The following GLI2 variants were observed in gnomAD, a reference collection of about 807,000 sequenced individuals.
GLI2 encodes the protein GLI family zinc finger 2, also known as transcription activator GLI2.
In GLI2, 22 loss-of-function variants were observed where a neutral mutation model predicts 78.9. The observed-to-expected ratio is 0.28, with a 90% confidence interval of 0.20 to 0.40. The LOEUF (loss-of-function observed/expected upper bound fraction) is 0.40, where lower values mean the gene tolerates loss of function less well. Among genes scored for constraint, GLI2 ranks in the 10% least tolerant of loss-of-function variants. The probability of loss-of-function intolerance (pLI) is 1.00; values close to 1 mark genes in which losing one functional copy is unlikely to be tolerated. For missense variants in GLI2, 2,097 were observed against 2,213.2 expected (o/e 0.95, Z 1.05); for synonymous variants, 974 against 963.7 (o/e 1.01, Z -0.20).
chr2:120,787,474 C>T (rs541961562), intron 1 of GLI2, among the ~76,000 whole-genome samples: 1 of 152,260 alleles, frequency 6.6e-6, no homozygotes, highest in African/African-American at 2.4e-5. Flanking sequence ...GGTCTGGGTG[C>T]CTGTGGCTCC....
chr2:120,929,004 A>G (rs1298110655), intron 3 of GLI2, among the ~76,000 whole-genome samples: 1 of 151,616 alleles, frequency 6.6e-6, no homozygotes, highest in African/African-American at 2.4e-5. Context: ...GGTTGCCGAG[A>G]CTCCTTCGTC....
At chr2:120,855,772 G>A (rs56352720) in intron 2 of GLI2, among the ~76,000 whole-genome samples, 35,985 of 151,992 alleles carry the variant, frequency 0.24, 4,976 homozygotes, top group East Asian at 0.64. Context: ...GACCACAGAG[G>A]TGATGTGATG....
chr2:120,908,621 C>T (rs944896057), intron 2 of GLI2, among the ~76,000 whole-genome samples: 2 of 152,138 alleles, frequency 1.3e-5, no homozygotes, highest in Non-Finnish European at 2.9e-5. Context: ...ACACCCCCTG[C>T]CCCCCAACAG....
At chr2:120,817,397 A>C (rs1338652575) in intron 2 of GLI2, among the ~76,000 whole-genome samples, 1 of 151,992 alleles carries the variant, frequency 6.6e-6, no homozygotes, top group East Asian at 1.9e-4. Flanking sequence ...CCCTTCCATC[A>C]CATGCCCATC....
At chr2:120,786,490 C>T (rs1402079373) in intron 1 of GLI2, among the ~76,000 whole-genome samples, 1 of 151,390 alleles carries the variant, frequency 6.6e-6, no homozygotes, top group Non-Finnish European at 1.5e-5. Flanking sequence ...CCTGCAATTC[C>T]ACTGAGAAAA....
chr2:120,978,064 G>GC (rs1041456105), intron 9 of GLI2, among the ~76,000 whole-genome samples: 1 of 152,194 alleles, frequency 6.6e-6, no homozygotes, highest in African/African-American at 2.4e-5. Context: ...TCACACCAGA[G>GC]CCCAGGCTGC....
At chr2:120,968,443 A>G (rs1319739170) in intron 5 of GLI2, among the ~76,000 whole-genome samples, 2 of 152,146 alleles carry the variant, frequency 1.3e-5, no homozygotes, top group Admixed American at 6.5e-5. Context: ...TGGTAAATAC[A>G]CTATGCTCAG....
At chr2:120,909,220 CAG>C (rs1161926951) in intron 2 of GLI2, among the ~76,000 whole-genome samples, 2 of 152,160 alleles carry the variant, frequency 1.3e-5, no homozygotes, top group Admixed American at 1.3e-4. Flanking sequence ...TTGGGTCCCA[CAG>C]AGAGATCACC....
At chr2:120,770,841 A>AC (rs2024259986) in intron 1 of GLI2, among the ~76,000 whole-genome samples, 1 of 152,028 alleles carries the variant, frequency 6.6e-6, no homozygotes, top group Non-Finnish European at 1.5e-5. Flanking sequence ...CTGACCACCT[A>AC]CCCTCCAGGC....
At chr2:120,740,000 G>T (rs1392943561) in intron 1 of GLI2, among the ~76,000 whole-genome samples, 3 of 152,096 alleles carry the variant, frequency 2.0e-5, no homozygotes, top group African/African-American at 7.2e-5. Context: ...AAAAAGAGTG[G>T]CACCTTCAAC....
Position 120,984,545 on chromosome 2 carries a change from A to T in GLI2, c.1707A>T (p.Lys569Asn), listed in dbSNP as rs1682874900. 1.2e-6 allele frequency: 2 copies of T among 1,614,186 alleles called. No individual in the cohort carries two copies. Among genetic ancestry groups the T allele is most frequent in the Non-Finnish European group, 1.7e-6 (2 of 1,180,018 alleles). ...CCAGCTCTCTCCGGAAGCATGTGAA[A>T]ACGGTCCACGGCCCAGATGCCCACG... ...TDPSSLRKHV[K>N]TVHGPDAHVT... The change falls in exon 12 of 14, where the codon AAA (lysine) becomes AAT (asparagine). Residue 569 changes from lysine (K) to asparagine (N), a missense_variant. By Grantham distance (94) the Lys-to-Asn change is moderately conservative. This residue lies in a region of GLI2 where 104 missense variants were observed against 190.6 expected (regional missense o/e 0.55). Transcript: ENST00000361492.
intron 2 of GLI2, among the ~76,000 whole-genome samples, chr2:120,840,803 T>TG (rs1396683716): frequency 6.6e-6 from 1 of 152,170 alleles, no homozygotes; most frequent in African/African-American, 2.4e-5. Context: ...CCTTTGCACG[T>TG]GGGGGTCTCG....
chr2:120,989,091 C>G lies in GLI2; in HGVS notation c.3126C>G (p.Asp1042Glu), dbSNP rs767644818. Residue 1042 changes from aspartate to glutamate, a missense_variant, in exon 14 of 14, where the codon GAC (aspartate) becomes GAG (glutamate). Transcript: ENST00000361492. Reference protein sequence around the residue: ...PEADLGLPEDDLVLPDDVVQY... With the variant: ...PEADLGLPEDELVLPDDVVQY... ...CCGACCTGGGGCTGCCGGAGGACGA[C>G]CTGGTGCTTCCAGACGACGTGGTGC... The G allele has an allele frequency of 2.5e-6, 4 of 1,612,366 alleles. No individual in the cohort carries two copies. The highest frequency in any genetic ancestry group is 4.5e-5 in the East Asian group (2 of 44,872).
chr2:120,781,136 GA>G (rs1237446559), intron 1 of GLI2, among the ~76,000 whole-genome samples: 2 of 152,258 alleles, frequency 1.3e-5, no homozygotes. Flanking sequence ...GTGGGAGGCT[GA>G]GATGAGAGAA....
intron 3 of GLI2, among the ~76,000 whole-genome samples, chr2:120,947,438 G>T (rs1415548689): frequency 2.0e-5 from 3 of 152,208 alleles, no homozygotes; most frequent in Non-Finnish European, 4.4e-5. Flanking sequence ...CTACCCTGGG[G>T]AGATACCAGG....
At chr2:120,796,135 G>A (rs1236319595) in intron 1 of GLI2, among the ~76,000 whole-genome samples, 2 of 152,222 alleles carry the variant, frequency 1.3e-5, no homozygotes, top group African/African-American at 2.4e-5. Context: ...GATTGCCAGT[G>A]TCTGCTCTGA....
At chr2:120,820,621 G>A (rs1425356507) in intron 2 of GLI2, among the ~76,000 whole-genome samples, 1 of 152,230 alleles carries the variant, frequency 6.6e-6, no homozygotes, top group Non-Finnish European at 1.5e-5. Flanking sequence ...TGCTGTCCAC[G>A]CCAGTGTGTG....
intron 3 of GLI2, among the ~76,000 whole-genome samples, chr2:120,938,443 A>G (rs1348854380): frequency 1.3e-5 from 2 of 152,252 alleles, no homozygotes; most frequent in Non-Finnish European, 2.9e-5. Flanking sequence ...ACTGTTGTGG[A>G]CCACGTGGCT....
chr2:120,748,005 C>G (rs965687083), intron 1 of GLI2, among the ~76,000 whole-genome samples: 1 of 152,252 alleles, frequency 6.6e-6, no homozygotes, highest in Non-Finnish European at 1.5e-5. Flanking sequence ...CGGCTGTAGG[C>G]ACACCTTGCT....
Sources: allele counts gnomAD v4.1 joint callset (sites outside exome capture counted in the v4.1 genomes callset), GRCh38; gene constraint gnomAD v4.1.1; regional missense constraint gnomAD v4.1.1; transcripts MANE v1.5; gene names NCBI Gene and HGNC (gene_info 2026-07-23, HGNC 2026-07-21).